Variants in MXI1 observed in about 807,000 individuals in gnomAD.
MXI1 encodes the protein MAX interactor 1, dimerization protein, also known as max-interacting protein 1.
A neutral mutation model predicts 36.9 loss-of-function variants in MXI1; 18 were observed. That is an observed-to-expected ratio of 0.49 (90% CI 0.34 to 0.72). The LOEUF is 0.72. Among genes scored for constraint, MXI1 ranks in the 30% least tolerant of loss-of-function variants. The probability of loss-of-function intolerance (pLI) is 0.01; values close to 1 mark genes in which losing one functional copy is unlikely to be tolerated. For missense variants in MXI1, 304 were observed against 379.1 expected, an observed-to-expected ratio of 0.80 and a Z score of 1.64; for synonymous variants, 160 against 146.7, an observed-to-expected ratio of 1.09 and a Z score of -0.65.
chr10:110,267,783 A>G (rs1310066590), intron 3 of MXI1, among the ~76,000 whole-genome samples: 1 of 152,218 alleles, frequency 6.6e-6, no homozygotes, highest in Non-Finnish European at 1.5e-5. Context: ...ATTTACTGCT[A>G]GCATATATTG....
At chr10:110,251,725 C>T (rs772247624) in intron 3 of MXI1, among the ~76,000 whole-genome samples, 1 of 151,786 alleles carries the variant, frequency 6.6e-6, no homozygotes, top group Non-Finnish European at 1.5e-5. Flanking sequence ...TATACTGAGC[C>T]GTGAAGAAGA....
intron 3 of MXI1, among the ~76,000 whole-genome samples, chr10:110,245,320 G>A (rs1233847141): frequency 6.6e-6 from 1 of 152,140 alleles, no homozygotes; most frequent in Non-Finnish European, 1.5e-5. Flanking sequence ...CAGGCAGAAT[G>A]CTTTATATAG....
intron 5 of MXI1, among the ~76,000 whole-genome samples, chr10:110,280,670 G>A (rs1456162251): frequency 1.3e-5 from 2 of 148,508 alleles, no homozygotes; most frequent in Non-Finnish European, 1.5e-5. Context: ...ACAGAGTGAG[G>A]TTCCGTCTCA....
At chr10:110,278,601 T>G (rs1266485918) in intron 3 of MXI1, among the ~76,000 whole-genome samples, 1 of 152,126 alleles carries the variant, frequency 6.6e-6, no homozygotes, top group Non-Finnish European at 1.5e-5. Flanking sequence ...AACATTTTTA[T>G]AAGTGAAAAG....
At chr10:110,247,640 A>C (rs896298484) in intron 3 of MXI1, among the ~76,000 whole-genome samples, 2 of 152,188 alleles carry the variant, frequency 1.3e-5, no homozygotes, top group African/African-American at 4.8e-5. Context: ...CAAAACCACA[A>C]TGAGATGCCA....
At chr10:110,259,139 G>A (rs953080717) in intron 3 of MXI1, among the ~76,000 whole-genome samples, 2 of 152,036 alleles carry the variant, frequency 1.3e-5, no homozygotes, top group Non-Finnish European at 2.9e-5. Flanking sequence ...ATATTATAGC[G>A]AAGTTGTGGT....
intron 1 of MXI1, among the ~76,000 whole-genome samples, chr10:110,225,587 G>C (rs1854933191): frequency 6.6e-6 from 1 of 152,180 alleles, no homozygotes; most frequent in Admixed American, 6.5e-5. Context: ...GTAGGAGATA[G>C]AGGACTGGAA....
intron 2 of MXI1, among the ~76,000 whole-genome samples, chr10:110,232,859 C>G (rs1052956085): frequency 6.6e-6 from 1 of 152,170 alleles, no homozygotes; most frequent in Non-Finnish European, 1.5e-5. Flanking sequence ...ATAAAAATCT[C>G]TAAACTGTCA....
chr10:110,284,701 A>G lies in MXI1; in HGVS notation c.725-123A>G, dbSNP rs530391043. 1.3e-5 allele frequency: 12 copies of G among 928,718 alleles called. No individual in the cohort carries two copies. In the African/African-American group the frequency reaches 2.0e-4, roughly 16 times the overall value. The allele number at this position is 928,718 out of a possible 1,614,324, so 57.5% of individuals were successfully genotyped here. A position where few individuals can be genotyped will look rare whatever the true frequency, so the allele number is the denominator to read the frequency against. On this transcript the variant is annotated intron_variant, in intron 5 of 5. Transcript: ENST00000332674. ...TTCACCTTGTTCCTCTGTTCTCCAG[A>G]CATCACTGATAATAAGCTTGTTGTG... is the stretch of plus-strand genomic sequence containing the variant.
intron 3 of MXI1, among the ~76,000 whole-genome samples, chr10:110,271,838 A>G (rs1367058402): frequency 1.3e-5 from 2 of 152,170 alleles, no homozygotes; most frequent in African/African-American, 2.4e-5. Context: ...CATGTTCTTC[A>G]TATTTCTGAG....
intron 3 of MXI1, among the ~76,000 whole-genome samples, chr10:110,255,607 G>T (rs1434900837): frequency 6.6e-6 from 1 of 152,108 alleles, no homozygotes; most frequent in Non-Finnish European, 1.5e-5. Flanking sequence ...ATGTAACCAA[G>T]AAGATGAAAG....
intron 1 of MXI1, 94 bp downstream of exon 1, chr10:110,208,176 C>A (rs888602835): frequency 9.5e-5 from 127 of 1,332,170 alleles, no homozygotes; most frequent in Middle Eastern, 2.7e-4. Flanking sequence ...CCGTCCCCCC[C>A]CCGCCCAACA....
chr10:110,251,637 C>T (rs1300841416), intron 3 of MXI1, among the ~76,000 whole-genome samples: 2 of 152,062 alleles, frequency 1.3e-5, no homozygotes, highest in African/African-American at 4.8e-5. Context: ...AATTGTGAAA[C>T]CTGTGTATAC....
chr10:110,264,853 A>T (rs937662122), intron 3 of MXI1, among the ~76,000 whole-genome samples: 3 of 152,190 alleles, frequency 2.0e-5, no homozygotes, highest in Non-Finnish European at 2.9e-5. Flanking sequence ...GTTTTAGTTT[A>T]GTATTAGTTG....
intron 3 of MXI1, among the ~76,000 whole-genome samples, chr10:110,254,483 G>C (rs1856213635): frequency 6.6e-6 from 1 of 152,138 alleles, no homozygotes. Context: ...GTGAAACAAA[G>C]AGTCACATGT....
At chr10:110,238,646 A>C (rs886490093) in intron 2 of MXI1, among the ~76,000 whole-genome samples, 1 of 152,076 alleles carries the variant, frequency 6.6e-6, no homozygotes, top group Non-Finnish European at 1.5e-5. Context: ...TTATTCCTTA[A>C]ATGCCTGGTA....
intron 3 of MXI1, among the ~76,000 whole-genome samples, chr10:110,267,068 A>C (rs925861785): frequency 6.6e-6 from 1 of 152,212 alleles, no homozygotes; most frequent in Non-Finnish European, 1.5e-5. Context: ...TGGCTAAATT[A>C]AGATAAGGGA....
chr10:110,282,457 C>G (rs945109211), intron 5 of MXI1, among the ~76,000 whole-genome samples: 1 of 152,172 alleles, frequency 6.6e-6, no homozygotes, highest in Admixed American at 6.5e-5. Flanking sequence ...GAAGTACATG[C>G]TACATTTATC....
intron 3 of MXI1, among the ~76,000 whole-genome samples, chr10:110,253,670 C>A (rs912597366): frequency 1.3e-5 from 2 of 151,998 alleles, no homozygotes; most frequent in African/African-American, 2.4e-5. Context: ...GGAAGTCAAA[C>A]TTTTATTCTA....
Sources: gnomAD v4.1 joint callset for allele counts (sites outside exome capture counted in the v4.1 genomes callset) on GRCh38, gnomAD v4.1.1 for gene constraint, MANE v1.5 for transcripts, NCBI Gene and HGNC (gene_info 2026-07-23, HGNC 2026-07-21) for gene names.